CWH43: variants seen among roughly 807,000 people sequenced by gnomAD.
CWH43 encodes the protein cell wall biogenesis 43 C-terminal homolog, also known as PGAP2-interacting protein.
Under a neutral mutation model 85.7 loss-of-function variants are expected in CWH43, and 91 were observed. The observed-to-expected ratio is 1.06, with a 90% confidence interval of 0.90 to 1.26. The LOEUF is 1.26. CWH43 is among the 50% of genes most tolerant of loss of function. CWH43 has a pLI of 0.00. For missense variants in CWH43, 869 were observed against 839.2 expected (o/e 1.04, Z -0.44); for synonymous variants, 323 against 293.6 (o/e 1.10, Z -1.02).
intron 9 of CWH43, among the ~76,000 whole-genome samples, chr4:49,021,530 G>T (rs1381830769): frequency 3.3e-5 from 5 of 151,982 alleles, no homozygotes; most frequent in Non-Finnish European, 7.4e-5. Flanking sequence ...CTTTGGCTAT[G>T]CAGACTCTTT....
At chr4:49,017,631 A>G (rs1783597415) in intron 9 of CWH43, among the ~76,000 whole-genome samples, 1 of 152,218 alleles carries the variant, frequency 6.6e-6, no homozygotes, top group Non-Finnish European at 1.5e-5. Context: ...TTGCACTGCC[A>G]TAAAGAAATA....
intron 8 of CWH43, 67 bp downstream of exon 8, chr4:49,007,393 A>C: frequency 7.1e-7 from 1 of 1,415,772 alleles, no homozygotes; most frequent in Non-Finnish European, 9.3e-7. Context: ...GAAATTAAAG[A>C]GTATAATGAT....
At chr4:49,025,763 G>A (rs2109797430) in intron 9 of CWH43, among the ~76,000 whole-genome samples, 1 of 152,350 alleles carries the variant, frequency 6.6e-6, no homozygotes, top group Non-Finnish European at 1.5e-5. Context: ...TAGCAGAGGA[G>A]TGAAGCATAC....
At chr4:49,051,214 T>C (rs1194333714) in intron 15 of CWH43, among the ~76,000 whole-genome samples, 1 of 152,158 alleles carries the variant, frequency 6.6e-6, no homozygotes, top group East Asian at 1.9e-4. Flanking sequence ...TCCTTATTGG[T>C]TGGTCCTCTT....
intron 8 of CWH43, among the ~76,000 whole-genome samples, chr4:49,015,475 T>A (rs1783516683): frequency 6.6e-6 from 1 of 152,174 alleles, no homozygotes; most frequent in African/African-American, 2.4e-5. Context: ...TCTTAAGATT[T>A]TTCTGTGTTT....
At chr4:49,043,426 G>C (rs575625718) in intron 13 of CWH43, among the ~76,000 whole-genome samples, 1 of 152,306 alleles carries the variant, frequency 6.6e-6, no homozygotes, top group Admixed American at 6.5e-5. Flanking sequence ...GGATGTACAT[G>C]GTATTAAGGA....
intron 12 of CWH43, among the ~76,000 whole-genome samples, chr4:49,034,403 A>G (rs1784199685): frequency 6.6e-6 from 1 of 152,088 alleles, no homozygotes; most frequent in Non-Finnish European, 1.5e-5. Context: ...TCTCCAATAT[A>G]TCCCAAAATG....
chr4:49,036,074 A>G (rs1438959471), intron 12 of CWH43, among the ~76,000 whole-genome samples: 2 of 152,220 alleles, frequency 1.3e-5, no homozygotes, highest in African/African-American at 4.8e-5. Context: ...CAGAGAAAAC[A>G]GTGTTCCCAG....
intron 6 of CWH43, among the ~76,000 whole-genome samples, chr4:48,998,768 C>G (rs531938642): frequency 9.2e-5 from 14 of 152,296 alleles, no homozygotes; most frequent in African/African-American, 3.4e-4. Flanking sequence ...TCCCCCTCCT[C>G]CTGTGGCTGT....
chr4:48,990,876 C>T (rs1017438486), intron 2 of CWH43, among the ~76,000 whole-genome samples: 3 of 152,152 alleles, frequency 2.0e-5, no homozygotes, highest in African/African-American at 7.2e-5. Context: ...TGGAAACAAC[C>T]TAAATGCCCA....
chr4:49,013,427 C>A (rs1325323629), intron 8 of CWH43, among the ~76,000 whole-genome samples: 3 of 152,234 alleles, frequency 2.0e-5, no homozygotes, highest in African/African-American at 7.2e-5. Context: ...AAAGGGAAAT[C>A]CTCTGGCCCC....
intron 9 of CWH43, among the ~76,000 whole-genome samples, chr4:49,022,808 C>T (rs1223686752): frequency 6.6e-6 from 1 of 152,026 alleles, no homozygotes; most frequent in Non-Finnish European, 1.5e-5. Context: ...TTATCCATCT[C>T]CTCTAGGTTT....
At chr4:49,020,416 C>CACACACACACACACACACACATATAT (rs140534523) in intron 9 of CWH43, among the ~76,000 whole-genome samples, 5 of 128,340 alleles carry the variant, frequency 3.9e-5, no homozygotes, top group African/African-American at 1.3e-4. Flanking sequence ...CACACACACA[C>CACACACACACACACACACACATATAT]ATATATATAT....
intron 15 of CWH43, among the ~76,000 whole-genome samples, chr4:49,060,752 A>G (rs1449823881): frequency 1.3e-5 from 2 of 152,152 alleles, no homozygotes; most frequent in Non-Finnish European, 2.9e-5. Context: ...ATTTTTGTGC[A>G]TGGATAGTTG....
chr4:49,022,261 G>A (rs184179957), intron 9 of CWH43, among the ~76,000 whole-genome samples: 5 of 152,226 alleles, frequency 3.3e-5, no homozygotes, highest in African/African-American at 7.2e-5. Flanking sequence ...ATCATAAAGC[G>A]ACGCTGGATA....
At chr4:49,048,007 G>C (rs574444179) in intron 14 of CWH43, among the ~76,000 whole-genome samples, 1 of 152,190 alleles carries the variant, frequency 6.6e-6, no homozygotes, top group African/African-American at 2.4e-5. Flanking sequence ...AGGAGAGAAG[G>C]TGCTGAAGGG....
chr4:49,019,181 G>T (rs142934417), intron 9 of CWH43, among the ~76,000 whole-genome samples: 56 of 152,304 alleles, frequency 3.7e-4, no homozygotes, highest in African/African-American at 1.3e-3. Flanking sequence ...GAGAATTATA[G>T]TATTTAGAGA....
intron 15 of CWH43, among the ~76,000 whole-genome samples, chr4:49,051,265 A>T (rs1784787791): frequency 6.6e-6 from 1 of 152,204 alleles, no homozygotes; most frequent in African/African-American, 2.4e-5. Context: ...AAGCTTAAGA[A>T]CATGAAGTAA....
chr4:49,033,395 G>A (rs769224439), intron 12 of CWH43, among the ~76,000 whole-genome samples: 11 of 152,008 alleles, frequency 7.2e-5, no homozygotes, highest in Non-Finnish European at 1.2e-4. Context: ...AAATATACAC[G>A]AAACTGACTC....
Sources: allele counts gnomAD v4.1 joint callset (sites outside exome capture counted in the v4.1 genomes callset), GRCh38; gene constraint gnomAD v4.1.1; transcripts MANE v1.5; gene names NCBI Gene and HGNC (gene_info 2026-07-23, HGNC 2026-07-21).